Variants in TRPV4 observed in about 807,000 individuals in gnomAD.
The protein encoded by TRPV4 is transient receptor potential cation channel subfamily V member 4, also known as OSM9-like transient receptor potential channel 4.
TRPV4 carries 58 observed loss-of-function variants against 84.1 expected under a neutral mutation model. The observed-to-expected ratio is 0.69, with a 90% CI of 0.56 to 0.86. The LOEUF is 0.86. Among genes scored for constraint, TRPV4 ranks in the 40% least tolerant of loss-of-function variants. TRPV4 has a pLI of 0.00. For synonymous variants in TRPV4, 489 were observed against 500.9 expected (o/e 0.98, Z 0.32); for missense variants, 879 against 1,181.1 (o/e 0.74, Z 3.75).
At chr12:109,788,822 G>A in intron 12 of TRPV4, 106 bp from the exon 13 acceptor site, 1 of 1,322,248 alleles carries the variant, frequency 7.6e-7, no homozygotes, top group African/African-American at 1.4e-5. Flanking sequence ...CTAGTGAGCG[G>A]AGCACGCTGG....
chr12:109,805,245 T>C (rs1891046432), intron 3 of TRPV4, among the ~76,000 whole-genome samples: 1 of 152,174 alleles, frequency 6.6e-6, no homozygotes, highest in African/African-American at 2.4e-5. Context: ...CCAACAACCA[T>C]TTGCTGAGTT....
chr12:109,829,189 A>T (rs1256406119), intron 1 of TRPV4, among the ~76,000 whole-genome samples: 11 of 152,106 alleles, frequency 7.2e-5, no homozygotes, highest in East Asian at 5.8e-4. Flanking sequence ...AATAAATAAA[A>T]AAAAAAGTGA....
At chr12:109,788,269 A>G in intron 13 of TRPV4, 131 bp downstream of exon 13, 1 of 915,774 alleles carries the variant, frequency 1.1e-6, no homozygotes, top group Non-Finnish European at 1.7e-6. Flanking sequence ...CATTTTACCG[A>G]CAGAGAAGTG....
Position 109,788,659 on chromosome 12 carries a change from G to A in TRPV4, c.1949C>T (p.Thr650Ile). 6.2e-7 allele frequency: 1 copy of A among 1,614,226 alleles called. No homozygotes were observed. Among genetic ancestry groups the A allele is most frequent in the Non-Finnish European group, 8.5e-7 (1 of 1,180,052 alleles). Residue 650 changes from threonine to isoleucine, a missense_variant, in exon 13 of 16, where the codon ACC becomes ATC. Transcript: ENST00000261740. Reference protein sequence around the residue: ...ANMKVCNEDQTNCTVPTYPSC... With the variant: ...ANMKVCNEDQINCTVPTYPSC... ...GGGGTAAGTGGGCACTGTGCAGTTG[G>A]TCTGGTCCTCATTGCACACCTTCAT...
At position 109,808,480 on chromosome 12, in the gene TRPV4, A is replaced by G. The variant is rs1352325135; in HGVS notation, c.387-12T>C. Reference sequence around the variant, plus strand: ...TCTGCGGCTGCTTCCTGGAGGAGGTAGGGAGGCAAGTTGATGGGAGGGCTC... The same window carrying G: ...TCTGCGGCTGCTTCCTGGAGGAGGTGGGGAGGCAAGTTGATGGGAGGGCTC... On this transcript the variant is annotated splice_polypyrimidine_tract_variant and intron_variant, in intron 2 of 15. Coordinates refer to ENST00000261740, the MANE Select transcript of TRPV4 (RefSeq NM_021625.5). 5 of 1,608,264 alleles carry G rather than the reference A, an allele frequency of 3.1e-6. No homozygotes were observed. Among genetic ancestry groups the G allele is most frequent in the African/African-American group, 1.3e-5 (1 of 74,800 alleles).
chr12:109,818,336 G>T (rs767272728), intron 1 of TRPV4, among the ~76,000 whole-genome samples: 1 of 151,866 alleles, frequency 6.6e-6, no homozygotes, highest in East Asian at 1.9e-4. Flanking sequence ...AGACAGCCCC[G>T]CACCACACAG....
Position 109,800,720 on chromosome 12 carries a change from T to G in TRPV4, c.751A>C (p.Lys251Gln), listed in dbSNP as rs777770608. 1.9e-6 allele frequency: 3 copies of G among 1,613,826 alleles called. No homozygotes were observed. The African/African-American group carries it at 4.0e-5, about 22-fold the overall frequency. Residue 251 changes from lysine (K) to glutamine (Q), a missense_variant, in exon 5 of 16, where the codon AAA (lysine) becomes CAA (glutamine). Lys to Gln is a moderately conservative substitution (Grantham distance 53). Transcript: ENST00000261740. ...ALHIAIERRC[K>Q]HYVELLVAQG... ...GCCACGAGAAGTTCCACGTAGTGTT[T>G]GCAGCGACGCTCAATGGCGATGTGC...
chr12:109,809,370 T>C (rs1315521955), intron 2 of TRPV4, among the ~76,000 whole-genome samples: 1 of 118,700 alleles, frequency 8.4e-6, no homozygotes, highest in African/African-American at 3.3e-5. Flanking sequence ...TACCCACCCA[T>C]CATCCATCCA....
At chr12:109,813,857 A>T (rs1370189377) in intron 2 of TRPV4, among the ~76,000 whole-genome samples, 1 of 152,048 alleles carries the variant, frequency 6.6e-6, no homozygotes, top group Non-Finnish European at 1.5e-5. Context: ...GAATGGATGG[A>T]TGGATGATGG....
intron 14 of TRPV4, among the ~76,000 whole-genome samples, chr12:109,785,322 C>G (rs1332299661): frequency 2.6e-5 from 4 of 152,128 alleles, no homozygotes; most frequent in Admixed American, 6.6e-5. Context: ...TAATATTTCA[C>G]TGTACACATA....
intron 10 of TRPV4, 45 bp from the exon 11 acceptor site, chr12:109,792,862 G>A (rs771308837): frequency 8.7e-6 from 14 of 1,605,062 alleles, no homozygotes; most frequent in Admixed American, 1.7e-5. Context: ...GGGGAGAGGG[G>A]ACAATGAGGC....
At chr12:109,828,260 T>C (rs1892321389) in intron 1 of TRPV4, among the ~76,000 whole-genome samples, 1 of 152,086 alleles carries the variant, frequency 6.6e-6, no homozygotes, top group Non-Finnish European at 1.5e-5. Context: ...TCTCGTGTGA[T>C]CCTCCCTCAC....
At chr12:109,805,017 G>A (rs1301360174) in intron 3 of TRPV4, among the ~76,000 whole-genome samples, 1 of 152,180 alleles carries the variant, frequency 6.6e-6, no homozygotes, top group Non-Finnish European at 1.5e-5. Context: ...CCTCCTCCAG[G>A]AAGCTCTCCT....
At chr12:109,784,883 G>GTGCGTGTGTT (rs1889593099) in intron 14 of TRPV4, among the ~76,000 whole-genome samples, 1 of 147,512 alleles carries the variant, frequency 6.8e-6, no homozygotes, top group African/African-American at 2.5e-5. Context: ...GTGTGTGTGT[G>GTGCGTGTGTT]TGTGTATACA....
At chr12:109,823,365 C>G (rs1892163748) in intron 1 of TRPV4, among the ~76,000 whole-genome samples, 3 of 152,226 alleles carry the variant, frequency 2.0e-5, no homozygotes, top group African/African-American at 7.2e-5. Context: ...AGGGCAAGGC[C>G]AGCGTGGCCA....
intron 1 of TRPV4, among the ~76,000 whole-genome samples, chr12:109,826,483 A>G (rs1892254803): frequency 6.6e-6 from 1 of 152,202 alleles, no homozygotes; most frequent in Admixed American, 6.5e-5. Context: ...CTCTCATTTG[A>G]GGTCGGTGTT....
chr12:109,801,056 G>A lies in TRPV4; in HGVS notation c.713-298C>T, dbSNP rs190963352. Among the ~76,000 whole-genome samples the A allele has an allele frequency of 1.2e-3, 176 of 152,376 alleles. 1 individual carries two copies. The highest frequency in any genetic ancestry group is 1.8e-3 in the Non-Finnish European group (124 of 68,030). ...GGAGGCCAGGCGCAGGCTCACGCCT[G>A]TAATCCCAGCAATTTGGGAGACCAA... On this transcript the variant is annotated intron_variant, in intron 4 of 15. Transcript: ENST00000261740.
intron 7 of TRPV4, 25 bp from the exon 8 acceptor site, chr12:109,794,512 G>A (rs1387957857): frequency 1.9e-6 from 3 of 1,613,146 alleles, no homozygotes; most frequent in East Asian, 4.5e-5. Context: ...GTGGTCGGGG[G>A]CTGCCTTCCT....
intron 1 of TRPV4, among the ~76,000 whole-genome samples, chr12:109,833,006 T>A (rs1892457196): frequency 6.6e-6 from 1 of 152,106 alleles, no homozygotes; most frequent in Non-Finnish European, 1.5e-5. Context: ...GAAATCCCTC[T>A]TCCAAGTCTC....
Sources: gnomAD v4.1 joint callset for allele counts (sites outside exome capture counted in the v4.1 genomes callset) on GRCh38, gnomAD v4.1.1 for gene constraint, MANE v1.5 for transcripts, NCBI Gene and HGNC (gene_info 2026-07-23, HGNC 2026-07-21) for gene names.